The following CDH13 variants were observed in gnomAD, a reference collection of about 807,000 sequenced individuals.
The protein encoded by CDH13 is cadherin-13.
CDH13 carries 24 observed loss-of-function variants against 63.8 expected under a neutral mutation model. That is an observed-to-expected ratio of 0.38 (90% CI 0.27 to 0.53). The LOEUF (loss-of-function observed/expected upper bound fraction) is 0.53, where lower values mean the gene tolerates loss of function less well. Ranked by LOEUF, CDH13 falls within the 20% of genes least tolerant of loss-of-function variation. The probability of loss-of-function intolerance (pLI) is 0.85; values close to 1 mark genes in which losing one functional copy is unlikely to be tolerated. For missense variants in CDH13, 1,049 were observed against 903.1 expected (o/e 1.16, Z -2.07); for synonymous variants, 503 against 355.3 (o/e 1.42, Z -4.67).
chr16:83,526,054 A>G (rs141361856), intron 7 of CDH13, among the ~76,000 whole-genome samples: 2 of 152,158 alleles, frequency 1.3e-5, no homozygotes, highest in African/African-American at 2.4e-5. Flanking sequence ...AAATTTACAG[A>G]TGTGTTAAGA....
intron 1 of CDH13, among the ~76,000 whole-genome samples, chr16:82,813,396 G>C (rs899046290): frequency 6.6e-6 from 1 of 152,162 alleles, no homozygotes; most frequent in Non-Finnish European, 1.5e-5. Context: ...CAAGAGCTGA[G>C]TGTTGCATGA....
chr16:83,007,732 G>A (rs925677920), intron 2 of CDH13, among the ~76,000 whole-genome samples: 1 of 151,738 alleles, frequency 6.6e-6, no homozygotes, highest in Non-Finnish European at 1.5e-5. Flanking sequence ...GCTGAGATGG[G>A]AGGATCACTT....
At chr16:83,048,070 T>TG (rs1917965111) in intron 3 of CDH13, among the ~76,000 whole-genome samples, 1 of 152,202 alleles carries the variant, frequency 6.6e-6, no homozygotes, top group African/African-American at 2.4e-5. Flanking sequence ...GTTGGTTGAA[T>TG]AGCTGTATCC....
intron 13 of CDH13, among the ~76,000 whole-genome samples, chr16:83,785,902 A>ACATT (rs1304616333): frequency 6.6e-6 from 1 of 152,178 alleles, no homozygotes; most frequent in Non-Finnish European, 1.5e-5. Context: ...AGGCTCCTGG[A>ACATT]CATTCTAACA....
At chr16:83,395,745 T>C (rs951143558) in intron 6 of CDH13, among the ~76,000 whole-genome samples, 11 of 152,206 alleles carry the variant, frequency 7.2e-5, no homozygotes, top group Admixed American at 5.9e-4. Context: ...GAAACCTGAA[T>C]TCTAATTAAT....
chr16:83,026,418 A>G (rs1915805384), intron 2 of CDH13, among the ~76,000 whole-genome samples: 1 of 152,134 alleles, frequency 6.6e-6, no homozygotes, highest in Admixed American at 6.5e-5. Flanking sequence ...ATATAATATG[A>G]TGCTTATATA....
chr16:83,131,109 A>G (rs934933910), intron 4 of CDH13, among the ~76,000 whole-genome samples: 7 of 151,142 alleles, frequency 4.6e-5, no homozygotes, highest in African/African-American at 1.5e-4. Flanking sequence ...CGAGGGAATC[A>G]TATTACAACC....
At chr16:83,743,884 C>G (rs1395745484) in intron 10 of CDH13, among the ~76,000 whole-genome samples, 1 of 151,294 alleles carries the variant, frequency 6.6e-6, no homozygotes, top group Non-Finnish European at 1.5e-5. Flanking sequence ...GCAGAGCACA[C>G]CACCCCAGCC....
At chr16:82,875,379 C>G (rs2040470102) in intron 2 of CDH13, among the ~76,000 whole-genome samples, 1 of 152,080 alleles carries the variant, frequency 6.6e-6, no homozygotes. Context: ...TAACTCAAGA[C>G]TTTAAAGAAA....
At chr16:83,590,237 G>C (rs1256924826) in intron 7 of CDH13, among the ~76,000 whole-genome samples, 1 of 152,142 alleles carries the variant, frequency 6.6e-6, no homozygotes, top group Non-Finnish European at 1.5e-5. Flanking sequence ...ATAGAAGAAG[G>C]CAGGGGGACC....
chr16:82,892,297 C>T (rs1277123477), intron 2 of CDH13, among the ~76,000 whole-genome samples: 2 of 152,190 alleles, frequency 1.3e-5, no homozygotes, highest in Non-Finnish European at 2.9e-5. Context: ...ATTACTTGTT[C>T]ACATCTATGC....
At chr16:83,334,834 G>A (rs575623799) in intron 5 of CDH13, among the ~76,000 whole-genome samples, 29 of 152,238 alleles carry the variant, frequency 1.9e-4, no homozygotes, top group Admixed American at 3.9e-4. Context: ...AGGATATGTA[G>A]ATAGAGTACT....
intron 1 of CDH13, among the ~76,000 whole-genome samples, chr16:82,815,064 A>G (rs183208780): frequency 2.6e-5 from 4 of 151,930 alleles, no homozygotes; most frequent in African/African-American, 9.7e-5. Context: ...TAAATATCTC[A>G]TTCATTTCTT....
chr16:82,701,851 A>G (rs1214315462), intron 1 of CDH13, among the ~76,000 whole-genome samples: 1 of 152,130 alleles, frequency 6.6e-6, no homozygotes, highest in Non-Finnish European at 1.5e-5. Flanking sequence ...GCCAGGACTT[A>G]GTCACCTCCC....
chr16:83,163,869 C>G (rs2037551669), intron 4 of CDH13, among the ~76,000 whole-genome samples: 1 of 152,076 alleles, frequency 6.6e-6, no homozygotes, highest in Non-Finnish European at 1.5e-5. Context: ...GTACCATATC[C>G]TAACCCATCC....
intron 4 of CDH13, among the ~76,000 whole-genome samples, chr16:83,170,440 C>T (rs1413945928): frequency 6.6e-6 from 1 of 152,058 alleles, no homozygotes; most frequent in East Asian, 1.9e-4. Flanking sequence ...ATAGGAGAAG[C>T]TTCCAGTTTT....
chr16:83,038,582 C>T (rs1245502217), intron 3 of CDH13, among the ~76,000 whole-genome samples: 1 of 152,236 alleles, frequency 6.6e-6, no homozygotes, highest in East Asian at 1.9e-4. Flanking sequence ...ATGACTTTTC[C>T]CCACCAAATC....
intron 4 of CDH13, among the ~76,000 whole-genome samples, chr16:83,133,010 A>G (rs1297815283): frequency 6.6e-6 from 1 of 152,204 alleles, no homozygotes; most frequent in Non-Finnish European, 1.5e-5. Context: ...CTAAGGCTGC[A>G]CTGTCCCATG....
chr16:82,653,500 ATGGGAC>A (rs1345499998), intron 1 of CDH13, among the ~76,000 whole-genome samples: 1 of 152,154 alleles, frequency 6.6e-6, no homozygotes, highest in Admixed American at 6.5e-5. Context: ...ACTGAGTAAA[ATGGGAC>A]TGGATGTACC....
Sources: gnomAD v4.1 joint callset for allele counts (sites outside exome capture counted in the v4.1 genomes callset) on GRCh38, gnomAD v4.1.1 for gene constraint, MANE v1.5 for transcripts, NCBI Gene and HGNC (gene_info 2026-07-23, HGNC 2026-07-21) for gene names.